ATP9B: variants seen among roughly 807,000 people sequenced by gnomAD.
ATP9B encodes the protein probable phospholipid-transporting ATPase IIB.
ATP9B carries 110 observed loss-of-function variants against 146.1 expected under a neutral mutation model. The observed-to-expected ratio is 0.75, with a 90% CI of 0.65 to 0.88. ATP9B has a LOEUF of 0.88. ATP9B is among the 40% of genes least tolerant of loss of function. The pLI, the probability that ATP9B is intolerant of heterozygous loss-of-function variation, is 0.00. For synonymous variants in ATP9B, 604 were observed against 569.7 expected (o/e 1.06, Z -0.86); for missense variants, 1,499 against 1,496.4 (o/e 1.00, Z -0.03).
intron 17 of ATP9B, among the ~76,000 whole-genome samples, chr18:79,330,766 G>C (rs891650369): frequency 6.6e-6 from 1 of 152,142 alleles, no homozygotes; most frequent in Non-Finnish European, 1.5e-5. Flanking sequence ...GTGTGAGTGC[G>C]TGTCAATCTA....
chr18:79,094,421 C>T (rs1382647208), intron 1 of ATP9B, among the ~76,000 whole-genome samples: 1 of 151,950 alleles, frequency 6.6e-6, no homozygotes, highest in South Asian at 2.1e-4. Context: ...TTTAGCTGTT[C>T]GTGTTGTTGT....
intron 26 of ATP9B, among the ~76,000 whole-genome samples, chr18:79,371,784 C>T (rs2097072342): frequency 6.6e-6 from 1 of 152,220 alleles, no homozygotes; most frequent in Admixed American, 6.5e-5. Context: ...GTTTGTCTTT[C>T]CTCTGTGGCT....
In ATP9B at chr18:79,377,229, T is replaced by C; in HGVS notation, c.3308-18T>C. 6.2e-7 allele frequency: 1 copy of C among 1,610,122 alleles called. No individual in the cohort carries two copies. Among genetic ancestry groups the C allele is most frequent in the Non-Finnish European group, 8.5e-7 (1 of 1,179,954 alleles). Reference sequence around the variant, plus strand: ...TTCTTGGTCAGCTCTTACCTTTTTCTCTGTTTCCTGCCAACAGATGTTGCC... The same window carrying C: ...TTCTTGGTCAGCTCTTACCTTTTTCCCTGTTTCCTGCCAACAGATGTTGCC... On this transcript the variant is annotated intron_variant, in intron 29 of 29. Transcript: ENST00000426216.
At chr18:79,139,150 G>A (rs1030788745) in intron 5 of ATP9B, among the ~76,000 whole-genome samples, 1 of 152,198 alleles carries the variant, frequency 6.6e-6, no homozygotes, top group Admixed American at 6.5e-5. Flanking sequence ...TAGTATTTGT[G>A]TTTAGTAGGT....
Position 79,218,210 on chromosome 18 carries a change from T to C in ATP9B, c.1107+4172T>C, listed in dbSNP as rs549043426. Among the ~76,000 whole-genome samples the C allele has an allele frequency of 5.9e-5, 9 of 152,272 alleles. No individual in the cohort carries two copies. The South Asian group carries it at 1.0e-3, about 18-fold the overall frequency. On this transcript the variant is annotated intron_variant, in intron 11 of 29. Transcript: ENST00000426216. ...GGCTGGCAGCTCCTGCTTCTTGTCATGTTTTCCTCGTGTTCCATGTCCGGC... is the reference window on the plus strand; with the variant it reads ...GGCTGGCAGCTCCTGCTTCTTGTCACGTTTTCCTCGTGTTCCATGTCCGGC...
intron 4 of ATP9B, among the ~76,000 whole-genome samples, chr18:79,119,766 A>G (rs1473758059): frequency 2.0e-5 from 3 of 152,200 alleles, no homozygotes; most frequent in Non-Finnish European, 4.4e-5. Context: ...GCTACCTTTC[A>G]GATAACAAAT....
chr18:79,354,961 CT>C (rs1296557735), intron 25 of ATP9B, among the ~76,000 whole-genome samples: 2 of 152,216 alleles, frequency 1.3e-5, no homozygotes, highest in African/African-American at 4.8e-5. Context: ...CCACCTCCCC[CT>C]CCCCAAAAAG....
intron 4 of ATP9B, among the ~76,000 whole-genome samples, chr18:79,121,545 G>A (rs1008530060): frequency 2.0e-5 from 3 of 152,190 alleles, no homozygotes; most frequent in South Asian, 2.1e-4. Context: ...ACTCTTACGG[G>A]TAGAGGCTCA....
chr18:79,197,276 G>A (rs1334842672), intron 9 of ATP9B, among the ~76,000 whole-genome samples: 1 of 152,020 alleles, frequency 6.6e-6, no homozygotes, highest in Non-Finnish European at 1.5e-5. Flanking sequence ...TAAAATATTG[G>A]TAATGGAGAC....
At chr18:79,162,077 A>T (rs2094891193) in intron 7 of ATP9B, among the ~76,000 whole-genome samples, 1 of 152,192 alleles carries the variant, frequency 6.6e-6, no homozygotes. Flanking sequence ...CAGTTTTAAT[A>T]CTATTTTATT....
At chr18:79,135,091 C>T (rs2094432542) in intron 5 of ATP9B, among the ~76,000 whole-genome samples, 1 of 152,144 alleles carries the variant, frequency 6.6e-6, no homozygotes, top group Non-Finnish European at 1.5e-5. Flanking sequence ...GAGTTCTTCC[C>T]CAGACCTTTG....
At chr18:79,327,590 A>AGTGTGCTCTCTCC (rs2096759431) in intron 15 of ATP9B, among the ~76,000 whole-genome samples, 1 of 130,558 alleles carries the variant, frequency 7.7e-6, no homozygotes, top group African/African-American at 3.1e-5. Flanking sequence ...CTCCGTGGTT[A>AGTGTGCTCTCTCC]ACGTGCCCTC....
At chr18:79,276,301 C>T (rs2096308355) in intron 12 of ATP9B, among the ~76,000 whole-genome samples, 1 of 152,232 alleles carries the variant, frequency 6.6e-6, no homozygotes, top group Non-Finnish European at 1.5e-5. Flanking sequence ...CAAGGTTCTG[C>T]AGAATTGTCC....
At chr18:79,148,673 T>TTTGCTG (rs1346370262) in intron 6 of ATP9B, among the ~76,000 whole-genome samples, 2 of 152,214 alleles carry the variant, frequency 1.3e-5, no homozygotes, top group Non-Finnish European at 2.9e-5. Flanking sequence ...GACAAGGATG[T>TTTGCTG]TTGCTGTTAC....
At chr18:79,296,909 A>C (rs2096553077) in intron 13 of ATP9B, among the ~76,000 whole-genome samples, 1 of 151,968 alleles carries the variant, frequency 6.6e-6, no homozygotes, top group African/African-American at 2.4e-5. Flanking sequence ...GACAGAGATG[A>C]CCCAGAGAGA....
chr18:79,116,955 AAGAAAT>A lies in ATP9B; in HGVS notation c.558+3603_558+3608del, dbSNP rs1264292561. On this transcript the variant is annotated intron_variant, in intron 4 of 29. Transcript: ENST00000426216. ...AAAAAAAAATTAAAAAAAAAAAAAA[AAGAAAT>A]AATGATTGATCACAAAGTCTAAAGA... Among the ~76,000 whole-genome samples the A allele has an allele frequency of 1.8e-3, 170 of 93,358 alleles. 7 individuals carry two copies. The South Asian group carries it at 0.075, about 41-fold the overall frequency. 61.2% of individuals were successfully genotyped at this position (93,358 alleles called of 152,430 possible).
At chr18:79,133,701 C>T (rs1407379016) in intron 5 of ATP9B, among the ~76,000 whole-genome samples, 2 of 152,240 alleles carry the variant, frequency 1.3e-5, no homozygotes, top group African/African-American at 4.8e-5. Flanking sequence ...CATGATATAT[C>T]AACTACAAGT....
chr18:79,319,760 T>C (rs1023011470), intron 15 of ATP9B, among the ~76,000 whole-genome samples: 1 of 152,250 alleles, frequency 6.6e-6, no homozygotes, highest in African/African-American at 2.4e-5. Context: ...GTAGAGGTGA[T>C]GCATGTATGT....
Position 79,165,953 on chromosome 18 carries a change from G to A in ATP9B, c.779-10860G>A, listed in dbSNP as rs78429692. 9.3e-3 allele frequency among the ~76,000 whole-genome samples: 1,420 copies of A among 152,280 alleles called. 21 individuals are homozygous for A. Among genetic ancestry groups the A allele is most frequent in the African/African-American group, 0.032 (1,316 of 41,556 alleles). On this transcript the variant is annotated intron_variant, in intron 7 of 29. Transcript: ENST00000426216. ...GAGTTCCAGCCCCAGCAGCTTGTAAGGCAGAGGTGACAGTGCTGGAGGGGC... is the reference window on the plus strand; with the variant it reads ...GAGTTCCAGCCCCAGCAGCTTGTAAAGCAGAGGTGACAGTGCTGGAGGGGC...
Sources: gnomAD v4.1 joint callset for allele counts (sites outside exome capture counted in the v4.1 genomes callset) on GRCh38, gnomAD v4.1.1 for gene constraint, MANE v1.5 for transcripts, NCBI Gene and HGNC (gene_info 2026-07-23, HGNC 2026-07-21) for gene names.